IFT74: variants seen among roughly 807,000 people sequenced by gnomAD.
The protein encoded by IFT74 is intraflagellar transport 74.
IFT74 carries 92 observed loss-of-function variants against 96.7 expected under a neutral mutation model. That is an observed-to-expected ratio of 0.95 (90% CI 0.80 to 1.13). The LOEUF (loss-of-function observed/expected upper bound fraction) is 1.13. Among genes scored for constraint, IFT74 ranks in the 50% most tolerant of loss-of-function variants. The probability of loss-of-function intolerance (pLI) is 0.00; values close to 1 mark genes in which losing one functional copy is unlikely to be tolerated. For synonymous variants in IFT74, 223 were observed against 213.2 expected (o/e 1.05, Z -0.40); for missense variants, 811 against 698.2 (o/e 1.16, Z -1.82).
At chr9:27,009,232 C>T in intron 9 of IFT74, 74 bp downstream of exon 9, 1 of 1,351,184 alleles carries the variant, frequency 7.4e-7, no homozygotes, top group Non-Finnish European at 1.0e-6. Context: ...ATATCAGCAG[C>T]ATCAGCATCC....
At chr9:27,003,156 G>A (rs1415517367) in intron 8 of IFT74, among the ~76,000 whole-genome samples, 1 of 151,694 alleles carries the variant, frequency 6.6e-6, no homozygotes, top group African/African-American at 2.4e-5. Context: ...CAACTTTACT[G>A]AATTCAGTTG....
chr9:27,040,770 T>C (rs978397559), intron 13 of IFT74, among the ~76,000 whole-genome samples: 4 of 152,090 alleles, frequency 2.6e-5, no homozygotes, highest in Admixed American at 6.6e-5. Context: ...ACATGCCTTG[T>C]TGTGTATTGA....
Position 27,009,297 on chromosome 9 carries a change from C to A in IFT74, c.726+139C>A, listed in dbSNP as rs560457857. 4.6e-4 allele frequency: 288 copies of A among 626,792 alleles called. No homozygotes were observed. In the African/African-American group the frequency reaches 4.8e-3, roughly 10 times the overall value. 38.8% of individuals were successfully genotyped at this position (626,792 alleles called of 1,614,324 possible). A position where few individuals can be genotyped will look rare whatever the true frequency, so the allele number is the denominator to read the frequency against. On this transcript the variant is annotated intron_variant, in intron 9 of 19. Coordinates refer to ENST00000380062, the MANE Select transcript of IFT74 (RefSeq NM_025103.4). ...GTTTTCATTTTAACAAGGTCCCCAT[C>A]TGATTCATACGTATATTCACATTTC...
At chr9:26,995,789 G>T (rs41272237) in intron 8 of IFT74, 27 of 1,613,630 alleles carry the variant, frequency 1.7e-5, no homozygotes, top group Non-Finnish European at 2.3e-5. Flanking sequence ...AAGTGAAGTC[G>T]TCAGTACAGT....
At chr9:27,022,591 G>GTTTTA (rs1436169244) in intron 12 of IFT74, among the ~76,000 whole-genome samples, 1 of 149,766 alleles carries the variant, frequency 6.7e-6, no homozygotes, top group Non-Finnish European at 1.5e-5. Context: ...ATTATATTTT[G>GTTTTA]TTTTATTTTA....
rs150695955 is a variant in IFT74 at position 27,022,061 on chromosome 9, A to T, written c.974+3374A>T. 6.1e-3 allele frequency among the ~76,000 whole-genome samples: 932 copies of T among 152,298 alleles called. 12 individuals carry two copies. The highest frequency in any genetic ancestry group is 0.021 in the African/African-American group (880 of 41,556). On this transcript the variant is annotated intron_variant, in intron 12 of 19. Transcript: ENST00000380062. The stretch of plus-strand genomic sequence containing the variant: ...TTCTCCTACTTGTGGCTTGCCAATT[A>T]TCCCAGCACCATTTGTTGAATAGGG...
At chr9:26,960,908 A>G (rs1826326105) in intron 1 of IFT74, among the ~76,000 whole-genome samples, 2 of 151,596 alleles carry the variant, frequency 1.3e-5, no homozygotes, top group Non-Finnish European at 2.9e-5. Flanking sequence ...TGGATCTAGT[A>G]TCTAGATGGA....
At chr9:27,003,756 A>T (rs1013796912) in intron 8 of IFT74, among the ~76,000 whole-genome samples, 2 of 152,196 alleles carry the variant, frequency 1.3e-5, no homozygotes, top group Non-Finnish European at 2.9e-5. Context: ...CCTATATTTT[A>T]TAAAATTTGG....
chr9:27,017,993 G>C (rs1456382914), intron 11 of IFT74, among the ~76,000 whole-genome samples: 6 of 152,060 alleles, frequency 3.9e-5, no homozygotes, highest in African/African-American at 7.2e-5. Context: ...TATCAATTCA[G>C]GGACTATTTA....
intron 8 of IFT74, chr9:26,999,770 CTTTTT>C (rs1179000269): frequency 5.6e-3 from 1,879 of 338,368 alleles, no homozygotes; most frequent in South Asian, 6.1e-3. Context: ...TCTGTTTATT[CTTTTT>C]TTTTTTTTTT....
intron 16 of IFT74, among the ~76,000 whole-genome samples, chr9:27,053,065 G>T (rs896910211): frequency 6.6e-6 from 1 of 151,172 alleles, no homozygotes; most frequent in East Asian, 2.0e-4. Context: ...GGGTTTCACC[G>T]TGTTAGCCAG....
At chr9:27,030,604 T>C (rs1316708016) in intron 13 of IFT74, among the ~76,000 whole-genome samples, 2 of 150,232 alleles carry the variant, frequency 1.3e-5, no homozygotes, top group Non-Finnish European at 3.0e-5. Flanking sequence ...AAGGAATTTG[T>C]GTATGTGTGT....
Position 27,042,384 on chromosome 9 carries a change from G to T in IFT74, c.1055-2358G>T, listed in dbSNP as rs113110072. The stretch of plus-strand genomic sequence containing the variant: ...TCTGAGAGTAAGAAACGCCAGAGAA[G>T]CCCTCCCATCCCCGCAAAAAGCAAA... On this transcript the variant is annotated intron_variant, in intron 13 of 19. Coordinates refer to ENST00000380062, the MANE Select transcript of IFT74 (RefSeq NM_025103.4). Among the ~76,000 whole-genome samples, 13 of 152,138 alleles carry T rather than the reference G, an allele frequency of 8.5e-5. 2 individuals carry two copies. Among genetic ancestry groups the T allele is most frequent in the African/African-American group, 3.1e-4 (13 of 41,512 alleles).
chr9:27,012,531 T>G (rs1322567554), intron 10 of IFT74, among the ~76,000 whole-genome samples: 2 of 152,042 alleles, frequency 1.3e-5, no homozygotes, highest in Non-Finnish European at 2.9e-5. Context: ...AATGGCAATT[T>G]AAAGACACAT....
At chr9:27,001,909 C>A (rs1344021743) in intron 8 of IFT74, among the ~76,000 whole-genome samples, 1 of 150,504 alleles carries the variant, frequency 6.6e-6, no homozygotes, top group Admixed American at 6.6e-5. Flanking sequence ...GGCCAGTGTT[C>A]TAGAGCAATT....
chr9:26,971,936 G>T (rs1477497187), intron 2 of IFT74, among the ~76,000 whole-genome samples: 1 of 152,062 alleles, frequency 6.6e-6, no homozygotes. Context: ...ACCAATTATT[G>T]GGCAATCTTT....
intron 2 of IFT74, among the ~76,000 whole-genome samples, chr9:26,977,562 C>A (rs11788438): frequency 0.21 from 31,756 of 152,200 alleles, 4,019 homozygotes; most frequent in Admixed American, 0.27. Context: ...GATCTCGGCT[C>A]ACTGCGGCCT....
chr9:27,050,797 A>C (rs1320368615), intron 16 of IFT74, among the ~76,000 whole-genome samples: 3 of 151,692 alleles, frequency 2.0e-5, no homozygotes, highest in African/African-American at 7.3e-5. Context: ...TGACGAGTTA[A>C]TGGGTGCAGC....
chr9:27,011,301 T>C (rs766944059), intron 9 of IFT74, among the ~76,000 whole-genome samples: 1 of 152,084 alleles, frequency 6.6e-6, no homozygotes, highest in Non-Finnish European at 1.5e-5. Flanking sequence ...AGTACCAAAA[T>C]ATAGTTAATC....
Sources: allele counts gnomAD v4.1 joint callset (sites outside exome capture counted in the v4.1 genomes callset), GRCh38; gene constraint gnomAD v4.1.1; transcripts MANE v1.5; gene names NCBI Gene and HGNC (gene_info 2026-07-23, HGNC 2026-07-21).